Variants in PTPRK observed in about 807,000 individuals in gnomAD.
PTPRK encodes receptor-type tyrosine-protein phosphatase kappa.
Under a neutral mutation model 178.0 loss-of-function variants are expected in PTPRK, and 75 were observed. The ratio of observed to expected loss-of-function variants is 0.42; its 90% CI spans 0.35 to 0.51. The LOEUF is 0.51. Ranked by LOEUF, PTPRK falls within the 20% of genes least tolerant of loss-of-function variation. The pLI is 0.02. For synonymous variants in PTPRK, 637 were observed against 620.6 expected (o/e 1.03, Z -0.39); for missense variants, 1,441 against 1,797.8 (o/e 0.80, Z 3.59).
intron 2 of PTPRK, among the ~76,000 whole-genome samples, chr6:128,329,821 T>G (rs2128325001): frequency 6.6e-6 from 1 of 152,242 alleles, no homozygotes; most frequent in Admixed American, 6.6e-5. Context: ...TTTAACCTAA[T>G]ATTCGGGCAC....
rs1841642882 is a variant in PTPRK, at chr6:128,406,255, AAAT to A, written c.101-8570_101-8568del. ...GTGGCAGAGTGAGACCCCATCTCAA[AAAT>A]AATAATAATAATTATATATATAAAA... On this transcript the variant is annotated intron_variant, in intron 1 of 29. Transcript: ENST00000368226. Among the ~76,000 whole-genome samples, 6 of 151,724 alleles carry A rather than the reference AAAT, an allele frequency of 4.0e-5. No individual in the cohort carries two copies. The South Asian group carries it at 1.2e-3, about 32-fold the overall frequency.
chr6:128,419,553 G>A (rs887448113), intron 1 of PTPRK, among the ~76,000 whole-genome samples: 3 of 151,488 alleles, frequency 2.0e-5, no homozygotes, highest in Admixed American at 6.6e-5. Context: ...AGCTTGCAGT[G>A]AGCAGAGATT....
intron 5 of PTPRK, among the ~76,000 whole-genome samples, chr6:128,239,502 A>C (rs2128283021): frequency 6.6e-6 from 1 of 152,344 alleles, no homozygotes. Context: ...AATCATAATT[A>C]AATACAAATG....
chr6:128,304,257 C>T (rs1340110599), intron 3 of PTPRK, among the ~76,000 whole-genome samples: 1 of 152,146 alleles, frequency 6.6e-6, no homozygotes, highest in Non-Finnish European at 1.5e-5. Flanking sequence ...GAATAACTCA[C>T]AAATTAACAA....
chr6:128,477,949 CA>C (rs1851577256), intron 1 of PTPRK, among the ~76,000 whole-genome samples: 1 of 152,018 alleles, frequency 6.6e-6, no homozygotes, highest in African/African-American at 2.4e-5. Context: ...CCACTGCCAC[CA>C]AAATGAAGAG....
At chr6:128,141,825 G>T (rs554226441) in intron 7 of PTPRK, among the ~76,000 whole-genome samples, 2 of 151,876 alleles carry the variant, frequency 1.3e-5, no homozygotes, top group East Asian at 3.9e-4. Flanking sequence ...TTAGCAATGT[G>T]TTCAATCCTC....
chr6:128,483,239 G>A (rs887188101), intron 1 of PTPRK, among the ~76,000 whole-genome samples: 4 of 151,848 alleles, frequency 2.6e-5, no homozygotes, highest in South Asian at 2.1e-4. Flanking sequence ...TCTACCACTC[G>A]AAATGTTTAA....
At chr6:128,509,377 C>A (rs894251085) in intron 1 of PTPRK, among the ~76,000 whole-genome samples, 17 of 152,294 alleles carry the variant, frequency 1.1e-4, no homozygotes, top group African/African-American at 4.1e-4. Context: ...CCATTATTCA[C>A]AAGAACCATG....
intron 5 of PTPRK, among the ~76,000 whole-genome samples, chr6:128,221,618 A>G (rs1263583111): frequency 1.3e-5 from 2 of 152,020 alleles, no homozygotes; most frequent in Non-Finnish European, 2.9e-5. Flanking sequence ...AATCATGCAT[A>G]TGCATATTAT....
chr6:128,054,132 T>C (rs1779510032), intron 13 of PTPRK, among the ~76,000 whole-genome samples: 1 of 152,224 alleles, frequency 6.6e-6, no homozygotes, highest in Non-Finnish European at 1.5e-5. Context: ...TTTCCAGCTT[T>C]TATTTCCCTG....
At chr6:128,005,802 T>C (rs1338167405) in intron 14 of PTPRK, among the ~76,000 whole-genome samples, 4 of 21,214 alleles carry the variant, frequency 1.9e-4, no homozygotes, top group Non-Finnish European at 4.2e-4. Flanking sequence ...AAGCTACTTA[T>C]GGAAATTATA....
intron 1 of PTPRK, among the ~76,000 whole-genome samples, chr6:128,436,235 T>C (rs1355329764): frequency 2.6e-5 from 4 of 152,170 alleles, no homozygotes; most frequent in East Asian, 3.8e-4. Context: ...TTTAAATATT[T>C]GTATTAAGAT....
At chr6:128,254,974 G>C (rs1817041402) in intron 3 of PTPRK, among the ~76,000 whole-genome samples, 1 of 152,068 alleles carries the variant, frequency 6.6e-6, no homozygotes, top group African/African-American at 2.4e-5. Context: ...AACAAAATAA[G>C]TGGAATAAAA....
At chr6:128,382,042 G>A (rs1312428043) in intron 2 of PTPRK, among the ~76,000 whole-genome samples, 2 of 151,248 alleles carry the variant, frequency 1.3e-5, no homozygotes, top group African/African-American at 2.4e-5. Flanking sequence ...AATTAGCCAG[G>A]TGTGGTGGCA....
At chr6:128,030,639 A>G (rs1412215290) in intron 13 of PTPRK, among the ~76,000 whole-genome samples, 1 of 152,144 alleles carries the variant, frequency 6.6e-6, no homozygotes, top group Non-Finnish European at 1.5e-5. Flanking sequence ...CTGAAAATGG[A>G]GGGCTTCTTC....
At chr6:128,405,523 G>T (rs1841547605) in intron 1 of PTPRK, among the ~76,000 whole-genome samples, 1 of 152,144 alleles carries the variant, frequency 6.6e-6, no homozygotes, top group South Asian at 2.1e-4. Flanking sequence ...CAAAGCAACA[G>T]AGAGTAAATG....
chr6:128,109,718 C>T (rs1246347172), intron 7 of PTPRK, among the ~76,000 whole-genome samples: 1 of 152,150 alleles, frequency 6.6e-6, no homozygotes, highest in Non-Finnish European at 1.5e-5. Context: ...AATCTATTGA[C>T]TTTTTCACCA....
At chr6:127,983,176 A>C in intron 23 of PTPRK, 66 bp downstream of exon 23, 1 of 1,418,214 alleles carries the variant, frequency 7.1e-7, no homozygotes, top group East Asian at 2.5e-5. Context: ...TATGAGAGAC[A>C]TCTACTCTTT....
chr6:128,205,987 T>A (rs929058113), intron 6 of PTPRK, among the ~76,000 whole-genome samples: 2 of 151,878 alleles, frequency 1.3e-5, no homozygotes, highest in Non-Finnish European at 2.9e-5. Context: ...AAACAGAAGC[T>A]TTATTTGCTT....
Sources: gnomAD v4.1 joint callset for allele counts (sites outside exome capture counted in the v4.1 genomes callset) on GRCh38, gnomAD v4.1.1 for gene constraint, MANE v1.5 for transcripts, NCBI Gene and HGNC (gene_info 2026-07-23, HGNC 2026-07-21) for gene names.